Variants in RAB30 observed in about 807,000 individuals in gnomAD.
The protein encoded by RAB30 is ras-related protein Rab-30.
RAB30 carries 9 observed loss-of-function variants against 25.1 expected under a neutral mutation model. The ratio of observed to expected loss-of-function variants is 0.36; its 90% confidence interval spans 0.22 to 0.63. The LOEUF (loss-of-function observed/expected upper bound fraction) is 0.63. Among genes scored for constraint, RAB30 ranks in the 20% least tolerant of loss-of-function variants. RAB30 has a pLI of 0.69. For missense variants in RAB30, 140 were observed against 243.5 expected (o/e 0.58, Z 2.83); for synonymous variants, 77 against 86.4 (o/e 0.89, Z 0.60).
intron 1 of RAB30, among the ~76,000 whole-genome samples, chr11:83,068,102 C>T (rs543886433): frequency 1.5e-4 from 21 of 140,562 alleles, no homozygotes; most frequent in Non-Finnish European, 2.6e-4. Flanking sequence ...TCAGCCTGGG[C>T]GACAGAGTGA....
At chr11:83,038,837 A>G (rs548613935) in intron 1 of RAB30, 9 of 152,092 alleles carry the variant, frequency 5.9e-5, no homozygotes, top group East Asian at 5.8e-4. Context: ...AAATAAAAAA[A>G]AAAAAGAAGA....
intron 3 of RAB30, among the ~76,000 whole-genome samples, chr11:82,991,652 G>A (rs1856853582): frequency 6.6e-6 from 1 of 152,048 alleles, no homozygotes; most frequent in East Asian, 1.9e-4. Flanking sequence ...GGGCCACCCT[G>A]TATCTTTATT....
At chr11:83,044,306 T>G (rs1271044868) in intron 1 of RAB30, among the ~76,000 whole-genome samples, 2 of 152,248 alleles carry the variant, frequency 1.3e-5, no homozygotes, top group Non-Finnish European at 2.9e-5. Flanking sequence ...TTATTTAATT[T>G]GGATTTTCCC....
intron 3 of RAB30, among the ~76,000 whole-genome samples, chr11:82,993,390 TAC>T (rs1856896641): frequency 1.3e-5 from 2 of 152,216 alleles, no homozygotes; most frequent in African/African-American, 4.8e-5. Flanking sequence ...CCCACAGGTT[TAC>T]AGTAAGGACT....
intron 1 of RAB30, among the ~76,000 whole-genome samples, chr11:82,999,847 A>C (rs10898068): frequency 0.58 from 87,513 of 151,478 alleles, 25,807 homozygotes; most frequent in African/African-American, 0.72. Context: ...TCCCACAATG[A>C]CCTCCTTTCC....
rs900823507 is a variant in RAB30 at position 83,029,225 on chromosome 11, C to A, written c.-8-31901G>T. Among the ~76,000 whole-genome samples the A allele has an allele frequency of 5.9e-5, 9 of 152,134 alleles. No homozygotes were observed. The South Asian group carries it at 1.5e-3, about 25-fold the overall frequency. On this transcript the variant is annotated intron_variant, in intron 1 of 4. Transcript: ENST00000527633. ...ACCAACAACCCCACTGCCATTAAAC[C>A]CTCTTTTGTGTTGTGTTCAAATATT...
chr11:83,028,740 T>C (rs1590863082), intron 1 of RAB30, among the ~76,000 whole-genome samples: 4 of 152,218 alleles, frequency 2.6e-5, no homozygotes. Flanking sequence ...CTTTAAAGTA[T>C]ACAAGACCCA....
chr11:83,069,345 T>C (rs1858778998), intron 1 of RAB30, among the ~76,000 whole-genome samples: 1 of 152,212 alleles, frequency 6.6e-6, no homozygotes, highest in Non-Finnish European at 1.5e-5. Context: ...TCCAGATGGA[T>C]AGCAGTTAGA....
intron 1 of RAB30, among the ~76,000 whole-genome samples, chr11:83,013,153 G>A (rs947528965): frequency 1.3e-5 from 2 of 151,814 alleles, no homozygotes; most frequent in South Asian, 2.1e-4. Flanking sequence ...GTGTGATTTC[G>A]GGTCACTGCA....
chr11:82,987,995 ATTTTG>A (rs1286311310), intron 3 of RAB30, among the ~76,000 whole-genome samples: 7 of 125,904 alleles, frequency 5.6e-5, no homozygotes, highest in African/African-American at 2.0e-4. Flanking sequence ...AGAGGGGCTT[ATTTTG>A]TTTTGTTTTG....
chr11:82,989,324 C>T (rs142597137), intron 3 of RAB30, among the ~76,000 whole-genome samples: 10 of 152,186 alleles, frequency 6.6e-5, no homozygotes, highest in African/African-American at 2.4e-4. Flanking sequence ...ATTGCTGTCA[C>T]CCTCTGCTCA....
chr11:83,003,882 G>A (rs887946306), intron 1 of RAB30, among the ~76,000 whole-genome samples: 4 of 151,868 alleles, frequency 2.6e-5, no homozygotes, highest in East Asian at 1.9e-4. Flanking sequence ...AAATAGAACC[G>A]ATTACCAGAG....
chr11:83,071,314 A>G (rs553771829), intron 1 of RAB30: 1 of 151,758 alleles, frequency 6.6e-6, no homozygotes, highest in South Asian at 2.1e-4. Flanking sequence ...CCCACGCATC[A>G]CCCCTTCCCA....
chr11:83,032,970 T>G (rs1455023527), intron 1 of RAB30, among the ~76,000 whole-genome samples: 7 of 151,254 alleles, frequency 4.6e-5, no homozygotes, highest in Admixed American at 4.6e-4. Context: ...AGCATCTCAC[T>G]GGGGAACATA....
rs1856498305 is a variant in RAB30 at position 82,973,931 on chromosome 11, C to T, written c.*8234G>A. The T allele has an allele frequency of 6.6e-6, 1 of 152,056 alleles. No homozygotes were observed. Among genetic ancestry groups the T allele is most frequent in the Non-Finnish European group, 1.5e-5 (1 of 67,994 alleles). The allele number at this position is 152,056 out of a possible 1,614,324, so 9.4% of individuals were successfully genotyped here. On this transcript the variant is annotated 3_prime_UTR_variant, in exon 5 of 5. Coordinates refer to ENST00000527633, the MANE Select transcript of RAB30 (RefSeq NM_001286060.2). ...ATGGAATATTATTTAAACATGAAAA[C>T]AATGTACTGATTTATGCTACAACAT... is the stretch of plus-strand genomic sequence containing the variant.
intron 3 of RAB30, among the ~76,000 whole-genome samples, chr11:82,991,152 C>G (rs1044076128): frequency 1.3e-5 from 2 of 152,040 alleles, no homozygotes; most frequent in Non-Finnish European, 2.9e-5. Flanking sequence ...AGCCCGCAAA[C>G]TACTAGCAAA....
In RAB30 at chr11:83,068,641, C is replaced by G. The variant is rs572305248; in HGVS notation, c.-9+3050G>C. Among the ~76,000 whole-genome samples the G allele has an allele frequency of 2.6e-5, 4 of 152,332 alleles. No homozygotes were observed. In the East Asian group the frequency reaches 7.7e-4, roughly 29 times the overall value. On this transcript the variant is annotated intron_variant, in intron 1 of 4. Transcript: ENST00000527633. ...CTTCATTCTAGTCTTTCTCCTCTTGCTCTGTCTCTAACTTCCTTTCAAATC... is the reference window on the plus strand; with the variant it reads ...CTTCATTCTAGTCTTTCTCCTCTTGGTCTGTCTCTAACTTCCTTTCAAATC...
At chr11:83,030,702 C>A (rs1290248850) in intron 1 of RAB30, among the ~76,000 whole-genome samples, 2 of 151,528 alleles carry the variant, frequency 1.3e-5, no homozygotes, top group African/African-American at 4.9e-5. Flanking sequence ...GAGGCTGAGG[C>A]AGGAGAATTG....
intron 1 of RAB30, among the ~76,000 whole-genome samples, chr11:83,017,286 G>T (rs752423219): frequency 6.6e-6 from 1 of 152,150 alleles, no homozygotes; most frequent in African/African-American, 2.4e-5. Flanking sequence ...GCAGTGAGCC[G>T]TGATAGTTCC....
Sources: gnomAD v4.1 joint callset for allele counts (sites outside exome capture counted in the v4.1 genomes callset) on GRCh38, gnomAD v4.1.1 for gene constraint, MANE v1.5 for transcripts, NCBI Gene and HGNC (gene_info 2026-07-23, HGNC 2026-07-21) for gene names.